The following DOCK10 variants were observed in gnomAD, a reference collection of about 807,000 sequenced individuals.
The protein encoded by DOCK10 is dedicator of cytokinesis 10.
DOCK10 carries 145 observed loss-of-function variants against 280.1 expected under a neutral mutation model. That is an observed-to-expected ratio of 0.52 (90% confidence interval 0.45 to 0.59). The LOEUF (loss-of-function observed/expected upper bound fraction) is 0.59. DOCK10 is among the 20% of genes least tolerant of loss of function. The pLI is 0.00. For missense variants in DOCK10, 2,368 were observed against 2,651.7 expected (o/e 0.89, Z 2.35); for synonymous variants, 915 against 942.2 (o/e 0.97, Z 0.53).
Position 224,891,686 on chromosome 2 carries a change from A to G in DOCK10, c.416+4609T>C, listed in dbSNP as rs538530038. Among the ~76,000 whole-genome samples, 4 of 152,348 alleles carry G rather than the reference A, an allele frequency of 2.6e-5. No homozygotes were observed. The South Asian group carries it at 8.3e-4, about 32-fold the overall frequency. On this transcript the variant is annotated intron_variant, in intron 4 of 55. Coordinates refer to ENST00000258390, the MANE Select transcript of DOCK10 (RefSeq NM_014689.3). ...AGATATGAGACAAAGAATACCAACG[A>G]AGTCAATAGCAAAACTCAGTCAACC...
At chr2:224,936,518 G>A (rs564065787) in intron 1 of DOCK10, among the ~76,000 whole-genome samples, 2 of 151,856 alleles carry the variant, frequency 1.3e-5, no homozygotes, top group South Asian at 4.2e-4. Flanking sequence ...AATCATCATG[G>A]GTAAGAAATA....
chr2:224,961,462 C>CTTTCTTTCTTTCT (rs1559873990), intron 1 of DOCK10, among the ~76,000 whole-genome samples: 1 of 123,652 alleles, frequency 8.1e-6, no homozygotes, highest in Admixed American at 8.8e-5. Context: ...TTCTTTCTTT[C>CTTTCTTTCTTTCT]TTTCTTTTTC....
At chr2:224,983,508 G>GAAA in intron 1 of DOCK10, 1 of 199,506 alleles carries the variant, frequency 5.0e-6, no homozygotes, top group Non-Finnish European at 1.1e-5. Context: ...GAGATTCAAA[G>GAAA]AAAAAAAAAT....
chr2:224,906,876 C>T (rs1313859311), intron 3 of DOCK10, among the ~76,000 whole-genome samples: 1 of 152,164 alleles, frequency 6.6e-6, no homozygotes, highest in Non-Finnish European at 1.5e-5. Flanking sequence ...ATGGTATGCA[C>T]CTTGAGGGCA....
chr2:224,986,166 T>C (rs1364621892), intron 1 of DOCK10, among the ~76,000 whole-genome samples: 1 of 152,178 alleles, frequency 6.6e-6, no homozygotes, highest in Non-Finnish European at 1.5e-5. Flanking sequence ...CTATCCTCTA[T>C]AAGGCATCAA....
At chr2:225,032,186 C>G (rs565278520) in intron 1 of DOCK10, among the ~76,000 whole-genome samples, 86 of 152,254 alleles carry the variant, frequency 5.6e-4, no homozygotes, top group African/African-American at 2.0e-3. Context: ...TCTTGAAGGT[C>G]TTGGTGTCCA....
At chr2:224,893,580 G>T in intron 4 of DOCK10, 1 of 389,288 alleles carries the variant, frequency 2.6e-6, no homozygotes, top group Non-Finnish European at 5.1e-6. Flanking sequence ...TCTATTCCTA[G>T]TGTGTAAAGG....
At chr2:224,912,330 T>A (rs948751603) in intron 3 of DOCK10, among the ~76,000 whole-genome samples, 9 of 152,040 alleles carry the variant, frequency 5.9e-5, no homozygotes, top group Admixed American at 5.9e-4. Flanking sequence ...AGACAGGGTT[T>A]CACCATGTTG....
chr2:224,802,121 T>C, intron 39 of DOCK10, 81 bp from the exon 40 acceptor site: 1 of 1,415,604 alleles, frequency 7.1e-7, no homozygotes, highest in Admixed American at 2.4e-5. Flanking sequence ...TCAAATGTTC[T>C]AGATTGAGTC....
At chr2:224,804,682 A>C (rs981439857) in intron 38 of DOCK10, 112 bp downstream of exon 38, 3 of 744,534 alleles carry the variant, frequency 4.0e-6, no homozygotes, top group African/African-American at 3.8e-5. Flanking sequence ...AACAATCCTT[A>C]TTTGCATTTT....
chr2:224,899,563 T>G (rs1211779670), intron 3 of DOCK10, among the ~76,000 whole-genome samples: 2 of 152,110 alleles, frequency 1.3e-5, no homozygotes, highest in African/African-American at 2.4e-5. Context: ...GCTGGGAGAT[T>G]TGGAACAAGG....
intron 50 of DOCK10, among the ~76,000 whole-genome samples, chr2:224,780,164 G>C (rs1691214166): frequency 6.6e-6 from 1 of 152,198 alleles, no homozygotes; most frequent in East Asian, 1.9e-4. Flanking sequence ...TAAATGCCTT[G>C]ACCCCAAACT....
chr2:224,960,928 C>T (rs991142585), intron 1 of DOCK10, among the ~76,000 whole-genome samples: 7 of 151,632 alleles, frequency 4.6e-5, no homozygotes, highest in East Asian at 1.9e-4. Flanking sequence ...TTAGTAGAGA[C>T]GGGGTTTCAC....
chr2:224,932,302 T>C (rs1009910053), intron 1 of DOCK10, among the ~76,000 whole-genome samples: 13 of 152,086 alleles, frequency 8.5e-5, no homozygotes, highest in Non-Finnish European at 1.2e-4. Context: ...GATAATCACA[T>C]TGCATTAGAT....
intron 4 of DOCK10, among the ~76,000 whole-genome samples, chr2:224,890,764 TG>T (rs1186438617): frequency 6.6e-6 from 1 of 151,960 alleles, no homozygotes; most frequent in Non-Finnish European, 1.5e-5. Flanking sequence ...AAAGGAGAGG[TG>T]AGGGTTAACC....
At chr2:225,040,001 CATA>C (rs1559992467) in intron 1 of DOCK10, among the ~76,000 whole-genome samples, 4 of 152,236 alleles carry the variant, frequency 2.6e-5, no homozygotes, top group South Asian at 4.1e-4. Flanking sequence ...GTCGGATATC[CATA>C]ATATTTTCCC....
intron 19 of DOCK10, among the ~76,000 whole-genome samples, chr2:224,847,325 G>C (rs1055410228): frequency 1.3e-5 from 2 of 152,178 alleles, no homozygotes; most frequent in Non-Finnish European, 2.9e-5. Context: ...GGGGCTCTGA[G>C]TTACTGTGCA....
intron 51 of DOCK10, 21 bp downstream of exon 51, chr2:224,778,117 T>G: frequency 1.2e-6 from 2 of 1,609,116 alleles, no homozygotes; most frequent in Admixed American, 1.7e-5. Flanking sequence ...AGCACTTGCA[T>G]GAATACTGAT....
intron 1 of DOCK10, among the ~76,000 whole-genome samples, chr2:225,014,076 A>AATATATATATATATATAT (rs770548693): frequency 1.0e-3 from 92 of 87,810 alleles, no homozygotes; most frequent in African/African-American, 3.2e-3. Context: ...CAGAAGTCTG[A>AATATATATATATATATAT]ATATATTGTT....
Sources: allele counts gnomAD v4.1 joint callset (sites outside exome capture counted in the v4.1 genomes callset), GRCh38; gene constraint gnomAD v4.1.1; transcripts MANE v1.5; gene names NCBI Gene and HGNC (gene_info 2026-07-23, HGNC 2026-07-21).